Variants in SETBP1 observed in about 807,000 individuals in gnomAD.
SETBP1 encodes SET binding protein 1, also known as SET-binding protein.
Under a neutral mutation model 101.0 loss-of-function variants are expected in SETBP1, and 9 were observed. That is an observed-to-expected ratio of 0.09 (90% CI 0.05 to 0.16). The LOEUF is 0.16. Among genes scored for constraint, SETBP1 ranks in the 10% least tolerant of loss-of-function variants. SETBP1 has a pLI of 1.00. For synonymous variants in SETBP1, 818 were observed against 788.5 expected, an observed-to-expected ratio of 1.04 and a Z score of -0.63; for missense variants, 1,858 against 2,033.8, an observed-to-expected ratio of 0.91 and a Z score of 1.66.
chr18:44,706,275 G>A (rs1353250769), intron 2 of SETBP1, among the ~76,000 whole-genome samples: 3 of 152,088 alleles, frequency 2.0e-5, no homozygotes, highest in Non-Finnish European at 4.4e-5. Flanking sequence ...AGACCATGAA[G>A]ATGAGTCTCT....
At position 44,953,027 on chromosome 18, in the gene SETBP1, C is replaced by T. The variant is rs758377003; in HGVS notation, c.3687C>T (p.Asp1229=). 1 of 1,614,128 alleles carries T rather than the reference C, an allele frequency of 6.2e-7. No homozygotes were observed. Among genetic ancestry groups the T allele is most frequent in the East Asian group, 2.2e-5 (1 of 44,870 alleles). ...HKASKNNFEV[D]TLSTLSLSDA... is the part of the protein sequence containing the mutation. ...CTTCTAAGAACAACTTTGAGGTGGA[C>T]ACCCTGTCTACACTGTCACTTTCCG... Residue 1229 remains aspartate (D), a synonymous_variant, in exon 4 of 6, where the codon GAC becomes GAT. Coordinates refer to ENST00000649279, the MANE Select transcript of SETBP1 (RefSeq NM_015559.3).
At chr18:44,764,565 T>G (rs183698703) in intron 2 of SETBP1, among the ~76,000 whole-genome samples, 4 of 152,184 alleles carry the variant, frequency 2.6e-5, no homozygotes, top group African/African-American at 9.6e-5. Context: ...CTCCGCCTCC[T>G]GGGTTCAAGC....
intron 2 of SETBP1, among the ~76,000 whole-genome samples, chr18:44,769,869 C>A (rs1760882134): frequency 6.6e-6 from 1 of 152,178 alleles, no homozygotes; most frequent in South Asian, 2.1e-4. Flanking sequence ...CCGACAGCAC[C>A]TGTGTACCCA....
intron 2 of SETBP1, among the ~76,000 whole-genome samples, chr18:44,754,585 T>C (rs1207153575): frequency 6.6e-6 from 1 of 152,240 alleles, no homozygotes; most frequent in Non-Finnish European, 1.5e-5. Context: ...CCTTTATGTC[T>C]GTGGTCTTGG....
chr18:45,062,115 T>C (rs960877570), intron 5 of SETBP1, among the ~76,000 whole-genome samples: 1 of 152,232 alleles, frequency 6.6e-6, no homozygotes, highest in Admixed American at 6.5e-5. Context: ...GGAGGAATGG[T>C]TGGCTATATC....
At chr18:44,877,604 A>T (rs1374658284) in intron 3 of SETBP1, among the ~76,000 whole-genome samples, 1 of 152,234 alleles carries the variant, frequency 6.6e-6, no homozygotes, top group African/African-American at 2.4e-5. Context: ...CAGACGTGTG[A>T]CAATAACAGG....
intron 2 of SETBP1, among the ~76,000 whole-genome samples, chr18:44,772,106 C>G (rs770108081): frequency 2.0e-5 from 3 of 152,118 alleles, no homozygotes; most frequent in Non-Finnish European, 4.4e-5. Flanking sequence ...TCCTCTCCCC[C>G]GCCCCAGCCT....
At chr18:44,833,821 C>A (rs533980917) in intron 2 of SETBP1, among the ~76,000 whole-genome samples, 4 of 152,340 alleles carry the variant, frequency 2.6e-5, no homozygotes, top group African/African-American at 9.6e-5. Context: ...GATAAAGGAT[C>A]TTTTAAATTA....
At chr18:45,027,527 G>C (rs1599465770) in intron 4 of SETBP1, among the ~76,000 whole-genome samples, 1 of 152,140 alleles carries the variant, frequency 6.6e-6, no homozygotes, top group Admixed American at 6.6e-5. Flanking sequence ...TCTTATGCTA[G>C]CAAGATATAG....
intron 1 of SETBP1, among the ~76,000 whole-genome samples, chr18:44,699,885 C>A (rs2069086991): frequency 6.6e-6 from 1 of 152,126 alleles, no homozygotes; most frequent in Non-Finnish European, 1.5e-5. Context: ...GCTTCCAGTT[C>A]TTGGTTATTC....
intron 2 of SETBP1, among the ~76,000 whole-genome samples, chr18:44,791,709 T>C (rs1213619231): frequency 2.0e-5 from 3 of 151,690 alleles, no homozygotes; most frequent in African/African-American, 7.3e-5. Context: ...GGCTGTATTT[T>C]CCTGTGGGGG....
At chr18:44,885,325 A>C (rs1037040309) in intron 3 of SETBP1, among the ~76,000 whole-genome samples, 3 of 152,218 alleles carry the variant, frequency 2.0e-5, no homozygotes, top group Non-Finnish European at 2.9e-5. Flanking sequence ...AAAAAACAAC[A>C]TTGAATATTA....
Position 44,805,405 on chromosome 18 carries a change from AGTGTGT to A in SETBP1, c.487-63801_487-63796del, listed in dbSNP as rs4024593. 6.8e-3 allele frequency among the ~76,000 whole-genome samples: 982 copies of A among 144,732 alleles called. 12 individuals carry two copies. Among genetic ancestry groups the A allele is most frequent in the African/African-American group, 0.022 (890 of 39,650 alleles). The allele number at this position is 144,732 out of a possible 152,430, so 94.9% of individuals were successfully genotyped here. A position where few individuals can be genotyped will look rare whatever the true frequency, so the allele number is the denominator to read the frequency against. ...GTGGGTCCATGTGTATGCACATGTA[AGTGTGT>A]GTGTGTGTGTGTGTGTGTGTGTGGG... On this transcript the variant is annotated intron_variant, in intron 2 of 5. Coordinates refer to ENST00000649279, the MANE Select transcript of SETBP1 (RefSeq NM_015559.3).
intron 2 of SETBP1, among the ~76,000 whole-genome samples, chr18:44,824,206 C>CT (rs1459663467): frequency 6.6e-6 from 1 of 152,162 alleles, no homozygotes; most frequent in African/African-American, 2.4e-5. Context: ...CAGCTCTCTT[C>CT]TGCTGCTTCT....
At chr18:44,808,822 C>G (rs1387584792) in intron 2 of SETBP1, among the ~76,000 whole-genome samples, 2 of 152,066 alleles carry the variant, frequency 1.3e-5, no homozygotes, top group African/African-American at 2.4e-5. Flanking sequence ...AACAAACAAA[C>G]AAAAATACCA....
intron 3 of SETBP1, among the ~76,000 whole-genome samples, chr18:44,918,179 A>G (rs917859227): frequency 1.2e-4 from 19 of 152,114 alleles, no homozygotes; most frequent in Admixed American, 9.8e-4. Flanking sequence ...CAAAATAATA[A>G]TCCTCGGGAC....
At chr18:44,836,527 C>G (rs1271275386) in intron 2 of SETBP1, among the ~76,000 whole-genome samples, 2 of 152,180 alleles carry the variant, frequency 1.3e-5, no homozygotes, top group Admixed American at 1.3e-4. Context: ...TCCACTCTTT[C>G]CTTAGGATTC....
At chr18:45,050,082 G>A (rs1289294538) in intron 5 of SETBP1, among the ~76,000 whole-genome samples, 2 of 152,204 alleles carry the variant, frequency 1.3e-5, no homozygotes, top group African/African-American at 4.8e-5. Flanking sequence ...GAGGAACTAA[G>A]GGACACTAAT....
chr18:44,913,799 A>G (rs1466526389), intron 3 of SETBP1, among the ~76,000 whole-genome samples: 3 of 152,200 alleles, frequency 2.0e-5, no homozygotes, highest in African/African-American at 7.2e-5. Flanking sequence ...GCCCACAGTG[A>G]CTATAGCCAA....
Sources: allele counts gnomAD v4.1 joint callset (sites outside exome capture counted in the v4.1 genomes callset), GRCh38; gene constraint gnomAD v4.1.1; transcripts MANE v1.5; gene names NCBI Gene and HGNC (gene_info 2026-07-23, HGNC 2026-07-21).